Variants in TSGA10IP observed in about 807,000 individuals in gnomAD.
TSGA10IP encodes the protein testis-specific protein 10-interacting protein.
In TSGA10IP, 64 loss-of-function variants were observed where a neutral mutation model predicts 63.2. The observed-to-expected ratio is 1.01, with a 90% CI of 0.83 to 1.25. TSGA10IP has a LOEUF of 1.25. TSGA10IP is among the 50% of genes most tolerant of loss of function. The pLI, the probability that TSGA10IP is intolerant of heterozygous loss-of-function variation, is 0.00. For missense variants in TSGA10IP, 681 were observed against 710.1 expected (o/e 0.96, Z 0.47); for synonymous variants, 316 against 298.3 (o/e 1.06, Z -0.61).
rs768003032 is a variant in TSGA10IP at position 65,947,564 on chromosome 11, G to A, written c.739G>A (p.Glu247Lys). 1.9e-6 allele frequency: 3 copies of A among 1,613,778 alleles called. No individual in the cohort carries two copies. In the Admixed American group the frequency reaches 5.0e-5, roughly 27 times the overall value. The change falls in exon 3 of 8, where the codon GAG becomes AAG. Residue 247 changes from glutamate to lysine, a missense_variant. By Grantham distance (56) the Glu-to-Lys change is moderately conservative. Transcript: ENST00000532620. ...CAGGAGGGGGTCGATCTCAGAGGAG[G>A]AGCAATTTTCAGAGGCCACAGAGGA...
At chr11:65,959,222 C>T (rs1262123245) in exon 7 of TSGA10IP, 1 of 1,607,692 alleles carries the variant, frequency 6.2e-7, no homozygotes, top group Non-Finnish European at 8.5e-7. Context: ...CTCGGCGCTT[C>T]TCCCAGGTGC....
chr11:65,948,085 A>G (rs776077303), exon 4 of TSGA10IP: 1 of 1,595,036 alleles, frequency 6.3e-7, no homozygotes, highest in East Asian at 2.3e-5. Flanking sequence ...TCGGGATACG[A>G]TGAAACTTTC....
chr11:65,947,089 C>T, intron 2 of TSGA10IP, 21 bp from the exon 3 acceptor site: 1 of 1,609,348 alleles, frequency 6.2e-7, no homozygotes, highest in South Asian at 1.1e-5. Flanking sequence ...CGACCCTGAC[C>T]CCCACCCTTT....
chr11:65,953,673 G>C, exon 5 of TSGA10IP: 1 of 1,590,800 alleles, frequency 6.3e-7, no homozygotes, highest in Non-Finnish European at 8.5e-7. Context: ...CCACTGCCTG[G>C]CAGCCTACGC....
rs369098031 is a variant in TSGA10IP, at chr11:65,947,855, TC to T, written c.1003+32del. On this transcript the variant is annotated intron_variant, in intron 3 of 7. Coordinates refer to ENST00000532620, the Ensembl canonical transcript of TSGA10IP. ...TGAGCGTGGGGCTCAGAGCCTGGATTCCCCCGAAGCTACACCGCAGGGAACA... is the reference window on the plus strand; with the variant it reads ...TGAGCGTGGGGCTCAGAGCCTGGATTCCCCGAAGCTACACCGCAGGGAACA... The T allele has an allele frequency of 4.9e-5, 74 of 1,524,326 alleles. No homozygotes were observed. In the East Asian group the frequency reaches 1.6e-3, roughly 32 times the overall value. 94.4% of individuals were successfully genotyped at this position (1,524,326 alleles called of 1,614,324 possible).
chr11:65,954,444 G>A (rs190222979), intron 5 of TSGA10IP, among the ~76,000 whole-genome samples: 187 of 151,960 alleles, frequency 1.2e-3, no homozygotes, highest in African/African-American at 4.3e-3. Flanking sequence ...AAAGTGCTGG[G>A]ATTACAGGTG....
exon 1 of TSGA10IP, chr11:65,945,732 G>A (rs191466621): frequency 6.2e-6 from 10 of 1,610,714 alleles, no homozygotes; most frequent in Middle Eastern, 1.7e-4. Flanking sequence ...GGACCCCGTC[G>A]GTGCGACCAG....
intron 5 of TSGA10IP, 60 bp downstream of exon 5, chr11:65,953,797 C>A: frequency 7.2e-7 from 1 of 1,380,460 alleles, no homozygotes; most frequent in Non-Finnish European, 9.5e-7. Flanking sequence ...CGTGTCAGGT[C>A]TCAGTCTACA....
At chr11:65,959,943 T>C (rs780552395) in exon 8 of TSGA10IP, 13 of 1,613,058 alleles carry the variant, frequency 8.1e-6, no homozygotes, top group Non-Finnish European at 1.0e-5. Flanking sequence ...GTCCCTGAGA[T>C]AAAATTAAAG....
intron 4 of TSGA10IP, 102 bp downstream of exon 4, chr11:65,948,250 A>C (rs998913102): frequency 1.9e-5 from 26 of 1,393,758 alleles, no homozygotes; most frequent in South Asian, 7.6e-5. Context: ...TCATTTCTTT[A>C]TTTATCCATT....
Position 65,953,554 on chromosome 11 carries a change from T to G in TSGA10IP, c.1152-13T>G. Reference sequence around the variant, plus strand: ...CCGTGAACCTCTCATTCCCCTTCCCTTTCTCACCCAAGGAGCCTGCTGCAG... The same window carrying G: ...CCGTGAACCTCTCATTCCCCTTCCCGTTCTCACCCAAGGAGCCTGCTGCAG... On this transcript the variant is annotated splice_polypyrimidine_tract_variant and intron_variant, in intron 4 of 7. Transcript: ENST00000532620. The G allele has an allele frequency of 6.4e-7, 1 of 1,561,908 alleles. No homozygotes were observed. Among genetic ancestry groups the G allele is most frequent in the Non-Finnish European group, 8.6e-7 (1 of 1,157,022 alleles).
intron 5 of TSGA10IP, among the ~76,000 whole-genome samples, chr11:65,954,815 T>C (rs568717488): frequency 3.8e-5 from 5 of 133,324 alleles, no homozygotes; most frequent in South Asian, 2.3e-4. Flanking sequence ...AAAAACTCCA[T>C]CTCAAAAAAA....
rs546198285 is a variant in TSGA10IP, at chr11:65,959,371, G to A, written c.1547+57G>A. On this transcript the variant is annotated intron_variant, in intron 7 of 7. Coordinates refer to ENST00000532620, the Ensembl canonical transcript of TSGA10IP. ...CTGCCATGCTGCTGCGGGAAGGGGC[G>A]CCCACACCAGCACTCTGGGCTCTGG... 3.6e-5 allele frequency: 57 copies of A among 1,586,312 alleles called. 1 individual carries two copies. The South Asian group carries it at 5.5e-4, about 15-fold the overall frequency.
chr11:65,953,979 T>G (rs1362087525), intron 5 of TSGA10IP, among the ~76,000 whole-genome samples: 1 of 152,206 alleles, frequency 6.6e-6, no homozygotes. Context: ...TCTACATGTA[T>G]GATCACACTT....
At chr11:65,950,095 C>A (rs907975781) in intron 4 of TSGA10IP, among the ~76,000 whole-genome samples, 18 of 152,112 alleles carry the variant, frequency 1.2e-4, no homozygotes, top group African/African-American at 4.3e-4. Flanking sequence ...TCATGATCTG[C>A]CCGCCTCAGC....
chr11:65,950,655 C>T lies in TSGA10IP; in HGVS notation c.1151+2507C>T, dbSNP rs1223493443. Reference sequence around the variant, plus strand: ...TCAGCTCACTGCAAGCTCCGCCTCCCGGGTTCACGCCATTCTCCTGCCTCA... The same window carrying T: ...TCAGCTCACTGCAAGCTCCGCCTCCTGGGTTCACGCCATTCTCCTGCCTCA... On this transcript the variant is annotated intron_variant, in intron 4 of 7. Coordinates refer to ENST00000532620, the Ensembl canonical transcript of TSGA10IP. 3.3e-5 allele frequency among the ~76,000 whole-genome samples: 5 copies of T among 152,084 alleles called. No homozygotes were observed. In the East Asian group the frequency reaches 7.7e-4, roughly 24 times the overall value.
At chr11:65,947,449 A>C in exon 3 of TSGA10IP, 1 of 1,613,630 alleles carries the variant, frequency 6.2e-7, no homozygotes, top group Non-Finnish European at 8.5e-7. Context: ...CAGGATCAGG[A>C]TCGGCGTCCG....
At chr11:65,959,167 G>GAAGC in intron 6 of TSGA10IP, 23 bp from the exon 7 acceptor site, 1 of 1,598,194 alleles carries the variant, frequency 6.3e-7, no homozygotes, top group South Asian at 1.1e-5. Context: ...TGCAGAGCAG[G>GAAGC]AAGCCGTCTT....
chr11:65,957,163 T>G (rs1036341947), intron 5 of TSGA10IP, among the ~76,000 whole-genome samples: 1 of 152,032 alleles, frequency 6.6e-6, no homozygotes, highest in South Asian at 2.1e-4. Context: ...CCTGTCATTG[T>G]TTTTTTGAGA....
Sources: allele counts gnomAD v4.1 joint callset (sites outside exome capture counted in the v4.1 genomes callset), GRCh38; gene constraint gnomAD v4.1.1; transcripts MANE v1.5; gene names NCBI Gene and HGNC (gene_info 2026-07-23, HGNC 2026-07-21).